The following PCDHGB1 variants were observed in gnomAD, a reference collection of about 807,000 sequenced individuals.
PCDHGB1 encodes protocadherin gamma-B1.
PCDHGB1 carries 34 observed loss-of-function variants against 56.6 expected under a neutral mutation model. The ratio of observed to expected loss-of-function variants is 0.60; its 90% confidence interval spans 0.46 to 0.80. PCDHGB1 has a LOEUF of 0.80. Among genes scored for constraint, PCDHGB1 ranks in the 30% least tolerant of loss-of-function variants. PCDHGB1 has a pLI of 0.00. For missense variants in PCDHGB1, 1,278 were observed against 1,204.6 expected (o/e 1.06, Z -0.90); for synonymous variants, 561 against 505.9 (o/e 1.11, Z -1.46).
chr5:141,386,123 T>C (rs1477033454), intron 1 of PCDHGB1: 1 of 152,112 alleles, frequency 6.6e-6, no homozygotes, highest in African/African-American at 2.4e-5. Flanking sequence ...AAGTGGGAGA[T>C]TGGGGATACT....
At chr5:141,356,754 C>G in intron 1 of PCDHGB1, 3 of 1,613,966 alleles carry the variant, frequency 1.9e-6, no homozygotes, top group Non-Finnish European at 1.7e-6. Context: ...ATGCTCTTTG[C>G]TCCTTCGACT....
In PCDHGB1 at chr5:141,393,089, G is replaced by A. The variant is rs1168367249; in HGVS notation, c.2409+40420G>A. 4 of 1,613,660 alleles carry A rather than the reference G, an allele frequency of 2.5e-6. No homozygotes were observed. In the East Asian group the frequency reaches 6.7e-5, roughly 27 times the overall value. ...TGATCACCGCGGGCAGGATAGATCGGGAGGAGCTCTGCGCTCAGAGCCCGC... is the reference window on the plus strand; with the variant it reads ...TGATCACCGCGGGCAGGATAGATCGAGAGGAGCTCTGCGCTCAGAGCCCGC... On this transcript the variant is annotated intron_variant, in intron 1 of 3. Transcript: ENST00000523390.
At chr5:141,404,234 G>C (rs2094500908) in intron 1 of PCDHGB1, 1 of 1,613,652 alleles carries the variant, frequency 6.2e-7, no homozygotes, top group South Asian at 1.1e-5. Flanking sequence ...AACAGACAGA[G>C]GAACTCCGCC....
intron 1 of PCDHGB1, chr5:141,440,479 T>C (rs949675242): frequency 6.6e-6 from 1 of 152,172 alleles, no homozygotes; most frequent in African/African-American, 2.4e-5. Context: ...TTGAAAATTC[T>C]TTAAATGTTT....
chr5:141,423,053 T>C lies in PCDHGB1; in HGVS notation c.2409+70384T>C, dbSNP rs200154593. 1.4e-4 allele frequency: 219 copies of C among 1,614,170 alleles called. 1 individual carries two copies. The African/African-American group carries it at 2.5e-3, about 18-fold the overall frequency. ...CAGAACGCCTGGCTGTCCTATCGCCTGCTTAAGGCCAGCGAGCCGGGACTC... is the reference window on the plus strand; with the variant it reads ...CAGAACGCCTGGCTGTCCTATCGCCCGCTTAAGGCCAGCGAGCCGGGACTC... On this transcript the variant is annotated intron_variant, in intron 1 of 3. Coordinates refer to ENST00000523390, the MANE Select transcript of PCDHGB1 (RefSeq NM_018922.3).
At chr5:141,417,129 T>C (rs887933624) in intron 1 of PCDHGB1, 2 of 152,218 alleles carry the variant, frequency 1.3e-5, no homozygotes, top group South Asian at 2.1e-4. Context: ...TGGATGATGG[T>C]AATGACTAGG....
chr5:141,447,805 G>T (rs1389870133), intron 1 of PCDHGB1, among the ~76,000 whole-genome samples: 2 of 152,064 alleles, frequency 1.3e-5, no homozygotes, highest in African/African-American at 4.8e-5. Context: ...AATAAAATTG[G>T]CTGGGCGTGG....
At chr5:141,356,053 A>G (rs1221177525) in intron 1 of PCDHGB1, 1 of 1,613,968 alleles carries the variant, frequency 6.2e-7, no homozygotes, top group Non-Finnish European at 8.5e-7. Flanking sequence ...CCGGAAAGTA[A>G]GAGACAAAAT....
At chr5:141,392,654 A>G (rs2092571814) in intron 1 of PCDHGB1, 1 of 734,690 alleles carries the variant, frequency 1.4e-6, no homozygotes, top group Admixed American at 3.4e-5. Flanking sequence ...AGACCCGCAG[A>G]TGCCACAAAC....
rs1382364867 is a variant in PCDHGB1, at chr5:141,374,132, C to A, written c.2409+21463C>A. 2.5e-6 allele frequency: 4 copies of A among 1,605,166 alleles called. No homozygotes were observed. The highest frequency in any genetic ancestry group is 3.4e-6 in the Non-Finnish European group (4 of 1,174,350). On this transcript the variant is annotated intron_variant, in intron 1 of 3. Transcript: ENST00000523390. ...GCAGCGCAGCGAGCAGGTCCTGCTC[C>A]TCACGCTCCTGGGGACGCTGTGGGG...
At chr5:141,451,561 C>T (rs1412657561) in intron 1 of PCDHGB1, among the ~76,000 whole-genome samples, 2 of 152,096 alleles carry the variant, frequency 1.3e-5, no homozygotes, top group Non-Finnish European at 2.9e-5. Flanking sequence ...ATGAAAGCCA[C>T]AATCTTTTTA....
At chr5:141,471,637 T>C (rs1284100810) in intron 1 of PCDHGB1, 2 of 152,198 alleles carry the variant, frequency 1.3e-5, no homozygotes, top group Non-Finnish European at 2.9e-5. Context: ...TATGGATTAG[T>C]AATATACTGG....
At chr5:141,385,055 G>A (rs773905363) in intron 1 of PCDHGB1, 3 of 1,614,182 alleles carry the variant, frequency 1.9e-6, no homozygotes, top group South Asian at 1.1e-5. Context: ...CTGCGGCGCT[G>A]GCACAAGTCA....
rs1261694629 is a variant in PCDHGB1, at chr5:141,355,817, C to T, written c.2409+3148C>T. 9.9e-6 allele frequency: 16 copies of T among 1,612,766 alleles called. No homozygotes were observed. Among genetic ancestry groups the T allele is most frequent in the African/African-American group, 5.3e-5 (4 of 74,906 alleles). On this transcript the variant is annotated intron_variant, in intron 1 of 3. Coordinates refer to ENST00000523390, the MANE Select transcript of PCDHGB1 (RefSeq NM_018922.3). ...CGCGCTCTAGATCGCGAGGAAGAGGCGGTTCACCACCTCGTTCTCACGGCC... is the reference window on the plus strand; with the variant it reads ...CGCGCTCTAGATCGCGAGGAAGAGGTGGTTCACCACCTCGTTCTCACGGCC...
chr5:141,478,700 C>T (rs1171617240), intron 1 of PCDHGB1: 2 of 1,549,172 alleles, frequency 1.3e-6, no homozygotes, highest in South Asian at 1.2e-5. Flanking sequence ...AAAGTTAGTG[C>T]CTTTGTGAGA....
At chr5:141,427,934 G>A (rs746648152) in intron 1 of PCDHGB1, 42 of 1,584,338 alleles carry the variant, frequency 2.7e-5, no homozygotes, top group Non-Finnish European at 3.6e-5. Context: ...GCATGTTGGT[G>A]GGCGACCTCA....
At chr5:141,454,964 C>T (rs1283179107) in intron 1 of PCDHGB1, among the ~76,000 whole-genome samples, 10 of 151,622 alleles carry the variant, frequency 6.6e-5, no homozygotes, top group African/African-American at 2.4e-4. Flanking sequence ...CCGGCCACCA[C>T]GCCTGGCTAA....
intron 1 of PCDHGB1, chr5:141,394,928 C>T (rs2093129787): frequency 7.4e-6 from 12 of 1,613,838 alleles, no homozygotes; most frequent in Non-Finnish European, 1.0e-5. Context: ...GTGTCTTCCT[C>T]GCCTTTGTCG....
chr5:141,455,388 A>C (rs1415223043), intron 1 of PCDHGB1, among the ~76,000 whole-genome samples: 1 of 152,086 alleles, frequency 6.6e-6, no homozygotes, highest in Non-Finnish European at 1.5e-5. Context: ...AGAAGGAAGG[A>C]GCTCCCCCTT....
Sources: allele counts gnomAD v4.1 joint callset (sites outside exome capture counted in the v4.1 genomes callset), GRCh38; gene constraint gnomAD v4.1.1; transcripts MANE v1.5; gene names NCBI Gene and HGNC (gene_info 2026-07-23, HGNC 2026-07-21).